Variants in GRM7 observed in about 807,000 individuals in gnomAD.
GRM7 encodes metabotropic glutamate receptor 7.
A neutral mutation model predicts 84.5 loss-of-function variants in GRM7; 35 were observed. That is an observed-to-expected ratio of 0.41 (90% CI 0.32 to 0.55). The LOEUF (loss-of-function observed/expected upper bound fraction) is 0.55, where lower values mean the gene tolerates loss of function less well. GRM7 is among the 20% of genes least tolerant of loss of function. The pLI, the probability that GRM7 is intolerant of heterozygous loss-of-function variation, is 0.19. For synonymous variants in GRM7, 487 were observed against 455.1 expected (o/e 1.07, Z -0.89); for missense variants, 1,003 against 1,194.6 (o/e 0.84, Z 2.36).
chr3:7,223,053 G>A (rs751360557), intron 2 of GRM7, among the ~76,000 whole-genome samples: 11 of 151,994 alleles, frequency 7.2e-5, no homozygotes, highest in Non-Finnish European at 1.5e-4. Flanking sequence ...AACAATCATA[G>A]TTTCATATTT....
At chr3:7,722,027 A>G (rs1267891050) in intron 9 of GRM7, among the ~76,000 whole-genome samples, 2 of 152,234 alleles carry the variant, frequency 1.3e-5, no homozygotes, top group Non-Finnish European at 2.9e-5. Context: ...GATGGAATGT[A>G]CTAGGTGCTC....
chr3:6,882,980 T>C (rs909956380), intron 1 of GRM7, among the ~76,000 whole-genome samples: 1 of 152,234 alleles, frequency 6.6e-6, no homozygotes, highest in Non-Finnish European at 1.5e-5. Context: ...TGAGTACATA[T>C]TGACGTATGA....
chr3:7,200,964 A>ATTTTTTT (rs71625339), intron 2 of GRM7, among the ~76,000 whole-genome samples: 4 of 98,160 alleles, frequency 4.1e-5, no homozygotes, highest in African/African-American at 8.7e-5. Flanking sequence ...ACATTTCAGA[A>ATTTTTTT]TTTTTTTTTT....
chr3:7,557,370 T>A (rs767534044), intron 7 of GRM7, among the ~76,000 whole-genome samples: 5 of 152,186 alleles, frequency 3.3e-5, no homozygotes, highest in Non-Finnish European at 7.3e-5. Context: ...TATTGACATA[T>A]CTGGGAAGAA....
At chr3:7,561,861 C>A (rs181671253) in intron 7 of GRM7, among the ~76,000 whole-genome samples, 154 of 152,212 alleles carry the variant, frequency 1.0e-3, no homozygotes, top group Non-Finnish European at 1.8e-3. Context: ...TATCAATGAA[C>A]ATACACTTCA....
intron 2 of GRM7, among the ~76,000 whole-genome samples, chr3:7,195,537 C>T (rs1001714601): frequency 2.0e-4 from 31 of 152,180 alleles, no homozygotes; most frequent in African/African-American, 7.2e-4. Context: ...GGATTTTGGA[C>T]TATATGTAGT....
intron 1 of GRM7, among the ~76,000 whole-genome samples, chr3:7,089,269 A>G (rs1698576220): frequency 6.6e-6 from 1 of 152,216 alleles, no homozygotes. Flanking sequence ...ATCAAGTCAT[A>G]AAATCAATGA....
intron 1 of GRM7, among the ~76,000 whole-genome samples, chr3:7,073,574 A>G (rs535577837): frequency 6.4e-4 from 97 of 152,120 alleles, no homozygotes; most frequent in African/African-American, 2.1e-3. Flanking sequence ...CTAAGTGACT[A>G]TTGGAGTTAG....
chr3:7,602,943 T>G (rs536371617), intron 8 of GRM7, among the ~76,000 whole-genome samples: 7 of 152,260 alleles, frequency 4.6e-5, no homozygotes, highest in African/African-American at 1.7e-4. Context: ...CTTTTAAAAG[T>G]TGTAGGTTAT....
At chr3:7,718,524 A>G (rs1428743599) in intron 9 of GRM7, among the ~76,000 whole-genome samples, 1 of 152,240 alleles carries the variant, frequency 6.6e-6, no homozygotes, top group Non-Finnish European at 1.5e-5. Context: ...TTAATAGAAT[A>G]TAGCCAAAAA....
intron 1 of GRM7, among the ~76,000 whole-genome samples, chr3:6,947,675 A>T (rs1177026423): frequency 6.6e-6 from 1 of 152,154 alleles, no homozygotes. Context: ...CTGTGAATCC[A>T]TCTGGTCCTG....
chr3:6,973,757 A>G (rs1693867306), intron 1 of GRM7, among the ~76,000 whole-genome samples: 1 of 152,194 alleles, frequency 6.6e-6, no homozygotes, highest in Non-Finnish European at 1.5e-5. Context: ...CAAGGAATAA[A>G]ATGTGGTTTG....
intron 2 of GRM7, among the ~76,000 whole-genome samples, chr3:7,173,989 A>T (rs1695065969): frequency 6.6e-6 from 1 of 152,198 alleles, no homozygotes; most frequent in African/African-American, 2.4e-5. Context: ...GTGCATGGTC[A>T]AATTGCTGAA....
At chr3:7,206,440 C>T (rs575526233) in intron 2 of GRM7, among the ~76,000 whole-genome samples, 2 of 151,962 alleles carry the variant, frequency 1.3e-5, no homozygotes, top group Non-Finnish European at 2.9e-5. Context: ...TTTGGAGATA[C>T]TGATGGTTAA....
chr3:6,966,692 A>G (rs988610364), intron 1 of GRM7, among the ~76,000 whole-genome samples: 2 of 152,210 alleles, frequency 1.3e-5, no homozygotes, highest in African/African-American at 4.8e-5. Flanking sequence ...ATAATGAAAA[A>G]TAGGTCAAAG....
intron 8 of GRM7, among the ~76,000 whole-genome samples, chr3:7,674,611 A>AAACTT (rs1700055526): frequency 6.6e-6 from 1 of 152,246 alleles, no homozygotes; most frequent in Non-Finnish European, 1.5e-5. Context: ...TGTGGTAAGG[A>AAACTT]AACTTAAAAA....
intron 1 of GRM7, among the ~76,000 whole-genome samples, chr3:7,130,325 C>T (rs576857447): frequency 2.0e-5 from 3 of 152,106 alleles, no homozygotes; most frequent in East Asian, 3.9e-4. Flanking sequence ...GGGCGAATCA[C>T]GAAGTTAGGA....
At chr3:7,709,442 C>T (rs977796198) in intron 9 of GRM7, among the ~76,000 whole-genome samples, 1 of 152,134 alleles carries the variant, frequency 6.6e-6, no homozygotes, top group African/African-American at 2.4e-5. Flanking sequence ...CCCAACTTTG[C>T]TCCACTCTGT....
At chr3:6,972,970 G>T (rs1278682089) in intron 1 of GRM7, among the ~76,000 whole-genome samples, 3 of 152,198 alleles carry the variant, frequency 2.0e-5, no homozygotes, top group African/African-American at 7.2e-5. Context: ...ATGGGGAAAT[G>T]AGAACTGGAA....
Sources: allele counts gnomAD v4.1 joint callset (sites outside exome capture counted in the v4.1 genomes callset), GRCh38; gene constraint gnomAD v4.1.1; transcripts MANE v1.5; gene names NCBI Gene and HGNC (gene_info 2026-07-23, HGNC 2026-07-21).